PTPRD: variants seen among roughly 807,000 people sequenced by gnomAD.
The protein encoded by PTPRD is protein tyrosine phosphatase receptor type D, also known as receptor-type tyrosine-protein phosphatase delta.
PTPRD carries 34 observed loss-of-function variants against 214.5 expected under a neutral mutation model. The observed-to-expected ratio is 0.16, with a 90% CI of 0.12 to 0.21. The LOEUF (loss-of-function observed/expected upper bound fraction) is 0.21, where lower values mean the gene tolerates loss of function less well. PTPRD is among the 10% of genes least tolerant of loss of function. The pLI is 1.00. For synonymous variants in PTPRD, 1,128 were observed against 845.7 expected, an observed-to-expected ratio of 1.33 and a Z score of -5.79; for missense variants, 2,545 against 2,398.7, an observed-to-expected ratio of 1.06 and a Z score of -1.27.
rs184563647 is a variant in PTPRD, at chr9:8,711,978, G to A, written c.64+21802C>T. On this transcript the variant is annotated intron_variant, in intron 12 of 45. Transcript: ENST00000381196. ...AGGCTACATATTGCGGCAGTGTGAG[G>A]GAAATTCTGAAGTGAAGGAACTGCT... Among the ~76,000 whole-genome samples, 5 of 152,280 alleles carry A rather than the reference G, an allele frequency of 3.3e-5. No individual in the cohort carries two copies. In the East Asian group the frequency reaches 9.6e-4, roughly 29 times the overall value.
At chr9:9,682,225 A>AGACAGG (rs1197819713) in intron 7 of PTPRD, among the ~76,000 whole-genome samples, 1 of 151,814 alleles carries the variant, frequency 6.6e-6, no homozygotes, top group Non-Finnish European at 1.5e-5. Context: ...ACTGCAAAGA[A>AGACAGG]GACAGGGACA....
intron 10 of PTPRD, among the ~76,000 whole-genome samples, chr9:9,146,892 A>G (rs1235110276): frequency 6.6e-6 from 1 of 151,992 alleles, no homozygotes; most frequent in African/African-American, 2.4e-5. Flanking sequence ...CCTTTAGAAC[A>G]ACAATAACTA....
At chr9:10,257,229 A>G (rs1413134966) in intron 3 of PTPRD, among the ~76,000 whole-genome samples, 16 of 152,226 alleles carry the variant, frequency 1.1e-4, no homozygotes, top group Non-Finnish European at 1.5e-5. Flanking sequence ...CTGTGATACA[A>G]GGAGAAAAGG....
At chr9:10,360,918 C>A (rs868256021) in intron 2 of PTPRD, among the ~76,000 whole-genome samples, 1 of 152,000 alleles carries the variant, frequency 6.6e-6, no homozygotes, top group Non-Finnish European at 1.5e-5. Context: ...CTGGCTAACA[C>A]GATGAAACCC....
chr9:8,660,825 C>T (rs1208191866), intron 12 of PTPRD, among the ~76,000 whole-genome samples: 1 of 152,104 alleles, frequency 6.6e-6, no homozygotes, highest in Non-Finnish European at 1.5e-5. Context: ...TCATTCCTTC[C>T]ATCAACTTAC....
intron 5 of PTPRD, among the ~76,000 whole-genome samples, chr9:9,907,038 A>AC (rs199779733): frequency 0.022 from 3,396 of 151,490 alleles, 49 homozygotes; most frequent in South Asian, 0.051. Flanking sequence ...TTTAAATCTC[A>AC]CCCCCCATAC....
rs560737111 is a variant in PTPRD at position 9,415,503 on chromosome 9, A to T, written c.-236-18021T>A. On this transcript the variant is annotated intron_variant, in intron 8 of 45. Transcript: ENST00000381196. ...ATAAAATAGATAAATAAAATAAAAA[A>T]ATTTTAAAAAACCCTCTCTAATGAG... Among the ~76,000 whole-genome samples, 8 of 152,272 alleles carry T rather than the reference A, an allele frequency of 5.3e-5. No individual in the cohort carries two copies. The South Asian group carries it at 1.5e-3, about 28-fold the overall frequency.
At chr9:9,910,590 A>T (rs1038060743) in intron 5 of PTPRD, among the ~76,000 whole-genome samples, 3 of 152,010 alleles carry the variant, frequency 2.0e-5, no homozygotes, top group African/African-American at 7.2e-5. Context: ...TTACTAAATT[A>T]TAAGTGTGTT....
chr9:10,234,902 A>G (rs935515080), intron 3 of PTPRD, among the ~76,000 whole-genome samples: 2 of 151,864 alleles, frequency 1.3e-5, no homozygotes, highest in Non-Finnish European at 2.9e-5. Context: ...TACCCTTAAT[A>G]CATGTTTCTA....
At chr9:10,484,055 T>A (rs2099117075) in intron 2 of PTPRD, among the ~76,000 whole-genome samples, 1 of 151,880 alleles carries the variant, frequency 6.6e-6, no homozygotes, top group Non-Finnish European at 1.5e-5. Context: ...ATATAGAAAA[T>A]GCGGTATGTG....
At chr9:9,104,293 T>C (rs2099795436) in intron 10 of PTPRD, among the ~76,000 whole-genome samples, 7 of 152,044 alleles carry the variant, frequency 4.6e-5, no homozygotes, top group Admixed American at 3.3e-4. Context: ...GTAATTATCA[T>C]GTATCATTCT....
Position 9,455,195 on chromosome 9 carries a change from C to A in PTPRD, c.-236-57713G>T, listed in dbSNP as rs188480558. On this transcript the variant is annotated intron_variant, in intron 8 of 45. Coordinates refer to ENST00000381196, the MANE Select transcript of PTPRD (RefSeq NM_002839.4). The stretch of plus-strand genomic sequence containing the variant: ...ATTCTGCAGTTGATATTCTAAGTAA[C>A]CCTCTTTTTTTGTTTAACAGATATA... Among the ~76,000 whole-genome samples the A allele has an allele frequency of 2.8e-3, 422 of 151,558 alleles. 4 individuals carry two copies. Among genetic ancestry groups the A allele is most frequent in the African/African-American group, 9.4e-3 (390 of 41,464 alleles).
intron 2 of PTPRD, among the ~76,000 whole-genome samples, chr9:10,594,158 G>C (rs1257184736): frequency 1.3e-5 from 2 of 151,852 alleles, no homozygotes; most frequent in Admixed American, 1.3e-4. Flanking sequence ...GCCTAAACAA[G>C]CAGATTACAT....
Position 10,264,708 on chromosome 9 carries a change from A to G in PTPRD, c.-545+76255T>C, listed in dbSNP as rs889098475. Among the ~76,000 whole-genome samples the G allele has an allele frequency of 4.6e-5, 7 of 152,196 alleles. No homozygotes were observed. The East Asian group carries it at 1.4e-3, about 30-fold the overall frequency. On this transcript the variant is annotated intron_variant, in intron 3 of 45. Transcript: ENST00000381196. Reference sequence around the variant, plus strand: ...GCCGAAATTAGTTAAGACTTTCGGGATCTCTTGGGAAGCCATGATTAATTT... The same window carrying G: ...GCCGAAATTAGTTAAGACTTTCGGGGTCTCTTGGGAAGCCATGATTAATTT...
intron 3 of PTPRD, among the ~76,000 whole-genome samples, chr9:10,320,198 C>T (rs1166181345): frequency 6.6e-6 from 1 of 151,856 alleles, no homozygotes; most frequent in Non-Finnish European, 1.5e-5. Context: ...ATAATGATTC[C>T]AGTTACACAT....
intron 3 of PTPRD, among the ~76,000 whole-genome samples, chr9:10,223,584 A>T (rs1288860193): frequency 1.3e-5 from 2 of 151,430 alleles, no homozygotes; most frequent in Admixed American, 6.6e-5. Flanking sequence ...GAATTGTTTG[A>T]ACTTGGGAGA....
At chr9:8,368,861 T>A (rs2080716363) in intron 39 of PTPRD, among the ~76,000 whole-genome samples, 1 of 152,216 alleles carries the variant, frequency 6.6e-6, no homozygotes, top group Non-Finnish European at 1.5e-5. Flanking sequence ...AAACAGAATC[T>A]GGCATAATGG....
At chr9:10,142,574 G>A (rs1211378577) in intron 3 of PTPRD, among the ~76,000 whole-genome samples, 42 of 151,652 alleles carry the variant, frequency 2.8e-4, no homozygotes, top group Non-Finnish European at 4.4e-5. Flanking sequence ...ACCACAATGA[G>A]ATACCATTTC....
chr9:9,919,685 T>C (rs1269007276), intron 5 of PTPRD, among the ~76,000 whole-genome samples: 1 of 152,104 alleles, frequency 6.6e-6, no homozygotes, highest in Non-Finnish European at 1.5e-5. Flanking sequence ...TTTTAAAAGT[T>C]GGGAGTTCTC....
Sources: gnomAD v4.1 joint callset for allele counts (sites outside exome capture counted in the v4.1 genomes callset) on GRCh38, gnomAD v4.1.1 for gene constraint, MANE v1.5 for transcripts, NCBI Gene and HGNC (gene_info 2026-07-23, HGNC 2026-07-21) for gene names.